The following GRID2 variants were observed in gnomAD, a reference collection of about 807,000 sequenced individuals.
GRID2 encodes the protein glutamate receptor ionotropic, delta-2.
Under a neutral mutation model 114.8 loss-of-function variants are expected in GRID2, and 33 were observed. That is an observed-to-expected ratio of 0.29 (90% CI 0.22 to 0.38). GRID2 has a LOEUF of 0.38. GRID2 is among the 10% of genes least tolerant of loss of function. The probability of loss-of-function intolerance (pLI) is 1.00; values close to 1 mark genes in which losing one functional copy is unlikely to be tolerated. For synonymous variants in GRID2, 505 were observed against 449.9 expected (o/e 1.12, Z -1.55); for missense variants, 1,184 against 1,257.7 (o/e 0.94, Z 0.89).
rs138209723 is a variant in GRID2 at position 92,636,391 on chromosome 4, T to A, written c.244+46105T>A. Among the ~76,000 whole-genome samples, 19 of 152,072 alleles carry A rather than the reference T, an allele frequency of 1.2e-4. No homozygotes were observed. In the South Asian group the frequency reaches 3.9e-3, roughly 32 times the overall value. The stretch of plus-strand genomic sequence containing the variant: ...TTAGAGGATGTTCAGGAAAAAAAAA[T>A]TCTCAGATATTTTATTGAGACCAAC... On this transcript the variant is annotated intron_variant, in intron 2 of 15. Coordinates refer to ENST00000282020, the MANE Select transcript of GRID2 (RefSeq NM_001510.4).
At chr4:92,833,326 A>G (rs980400182) in intron 2 of GRID2, among the ~76,000 whole-genome samples, 1 of 152,200 alleles carries the variant, frequency 6.6e-6, no homozygotes, top group African/African-American at 2.4e-5. Context: ...AAAGTTATAC[A>G]AGACTCTGGG....
chr4:92,782,645 G>A (rs550781024), intron 2 of GRID2, among the ~76,000 whole-genome samples: 3 of 152,152 alleles, frequency 2.0e-5, no homozygotes, highest in Non-Finnish European at 4.4e-5. Flanking sequence ...TAGAGAGCAT[G>A]ATCCTGAGGT....
intron 12 of GRID2, among the ~76,000 whole-genome samples, chr4:93,502,707 T>TC (rs142078875): frequency 0.028 from 2,913 of 103,516 alleles, 58 homozygotes; most frequent in East Asian, 0.062. Flanking sequence ...TCTCCTCCAC[T>TC]CCCCCCCCCC....
At chr4:92,819,756 T>C (rs1741151825) in intron 2 of GRID2, among the ~76,000 whole-genome samples, 2 of 152,168 alleles carry the variant, frequency 1.3e-5, no homozygotes, top group Admixed American at 1.3e-4. Context: ...TTTGCTCAGA[T>C]GCTTAAAATA....
chr4:92,541,869 T>C (rs2149163565), intron 1 of GRID2, among the ~76,000 whole-genome samples: 1 of 152,162 alleles, frequency 6.6e-6, no homozygotes, highest in South Asian at 2.1e-4. Flanking sequence ...CACAACAAAA[T>C]ATTGTGATTT....
At chr4:92,644,786 C>G (rs1452429508) in intron 2 of GRID2, among the ~76,000 whole-genome samples, 1 of 151,392 alleles carries the variant, frequency 6.6e-6, no homozygotes, top group Non-Finnish European at 1.5e-5. Flanking sequence ...AATAAACTTT[C>G]TCAAATTTAT....
chr4:92,829,044 T>C (rs1578253611), intron 2 of GRID2, among the ~76,000 whole-genome samples: 1 of 152,160 alleles, frequency 6.6e-6, no homozygotes, highest in African/African-American at 2.4e-5. Flanking sequence ...CAATTTTGGC[T>C]TTTGTTGCAA....
At chr4:92,581,153 G>GA (rs1167167763) in intron 1 of GRID2, among the ~76,000 whole-genome samples, 18 of 148,210 alleles carry the variant, frequency 1.2e-4, no homozygotes, top group Non-Finnish European at 2.2e-4. Flanking sequence ...CTTTATACAA[G>GA]AAAAAATCCA....
intron 2 of GRID2, among the ~76,000 whole-genome samples, chr4:92,925,500 C>G (rs1053783535): frequency 6.6e-6 from 1 of 152,000 alleles, no homozygotes; most frequent in Non-Finnish European, 1.5e-5. Context: ...TATCCACAAA[C>G]AAATACAAGG....
chr4:92,946,339 C>G (rs1190103579), intron 2 of GRID2, among the ~76,000 whole-genome samples: 3 of 152,014 alleles, frequency 2.0e-5, no homozygotes, highest in Non-Finnish European at 2.9e-5. Context: ...TCTTTACCCA[C>G]TCTTCTCTTG....
intron 7 of GRID2, among the ~76,000 whole-genome samples, chr4:93,229,462 C>A (rs374002851): frequency 6.6e-6 from 1 of 152,018 alleles, no homozygotes; most frequent in East Asian, 1.9e-4. Flanking sequence ...TGTAGGATGG[C>A]CTTTCTTAAT....
At chr4:92,756,627 C>A (rs1392558616) in intron 2 of GRID2, among the ~76,000 whole-genome samples, 1 of 152,026 alleles carries the variant, frequency 6.6e-6, no homozygotes, top group African/African-American at 2.4e-5. Context: ...TGATAAAAGT[C>A]ATTCTAAGTG....
chr4:92,586,355 TACACACACACACACACACAC>T (rs200184543), intron 1 of GRID2, among the ~76,000 whole-genome samples: 4,134 of 145,994 alleles, frequency 0.028, 194 homozygotes, highest in African/African-American at 0.097. Flanking sequence ...ACAAAAAATC[TACACACACACACACACACAC>T]ACACACACAC....
chr4:92,782,873 G>C (rs151225444), intron 2 of GRID2, among the ~76,000 whole-genome samples: 25 of 152,176 alleles, frequency 1.6e-4, no homozygotes, highest in Non-Finnish European at 3.5e-4. Context: ...AGGTGACAGA[G>C]GGTGAGGCTA....
intron 2 of GRID2, among the ~76,000 whole-genome samples, chr4:92,658,495 A>T (rs1429208356): frequency 6.6e-6 from 1 of 151,772 alleles, no homozygotes; most frequent in African/African-American, 2.4e-5. Context: ...GGTCTGGCCC[A>T]GACAGCATTT....
chr4:92,565,865 A>G lies in GRID2; in HGVS notation c.89-24266A>G, dbSNP rs1428384895. Among the ~76,000 whole-genome samples the G allele has an allele frequency of 5.3e-5, 8 of 152,064 alleles. No homozygotes were observed. The East Asian group carries it at 1.3e-3, about 26-fold the overall frequency. ...TGTTATTGCTGTGTAACAAATTACCACAAACTTAGCAATTTAAAACAGCAC... is the reference window on the plus strand; with the variant it reads ...TGTTATTGCTGTGTAACAAATTACCGCAAACTTAGCAATTTAAAACAGCAC... On this transcript the variant is annotated intron_variant, in intron 1 of 15. Coordinates refer to ENST00000282020, the MANE Select transcript of GRID2 (RefSeq NM_001510.4).
intron 8 of GRID2, among the ~76,000 whole-genome samples, chr4:93,383,856 A>T (rs1179629157): frequency 6.6e-6 from 1 of 152,064 alleles, no homozygotes; most frequent in African/African-American, 2.4e-5. Flanking sequence ...ATCTCTTAAG[A>T]TTCATGCCAC....
chr4:93,325,455 C>T (rs752930228), intron 8 of GRID2, among the ~76,000 whole-genome samples: 2 of 151,932 alleles, frequency 1.3e-5, no homozygotes, highest in African/African-American at 2.4e-5. Flanking sequence ...TCTAGCTGTA[C>T]ATCTCTTAAC....
At position 92,989,276 on chromosome 4, in the gene GRID2, C is replaced by CAA. The variant is rs1182397768; in HGVS notation, c.245-95694_245-95693dup. Among the ~76,000 whole-genome samples, 187 of 74,254 alleles carry CAA rather than the reference C, an allele frequency of 2.5e-3. 1 individual carries two copies. Among genetic ancestry groups the CAA allele is most frequent in the African/African-American group, 6.1e-3 (125 of 20,370 alleles). 48.7% of individuals were successfully genotyped at this position (74,254 alleles called of 152,430 possible). A position where few individuals can be genotyped will look rare whatever the true frequency, so the allele number is the denominator to read the frequency against. ...TGGGTGACAGAGCGAGACTCCATCTCAAAAAAAAAAAAAAAAAAAAAAAAA... is the reference window on the plus strand; with the variant it reads ...TGGGTGACAGAGCGAGACTCCATCTCAAAAAAAAAAAAAAAAAAAAAAAAAAA... On this transcript the variant is annotated intron_variant, in intron 2 of 15. Transcript: ENST00000282020.
Sources: gnomAD v4.1 joint callset for allele counts (sites outside exome capture counted in the v4.1 genomes callset) on GRCh38, gnomAD v4.1.1 for gene constraint, MANE v1.5 for transcripts, NCBI Gene and HGNC (gene_info 2026-07-23, HGNC 2026-07-21) for gene names.